Variants in CDC16 observed in about 807,000 individuals in gnomAD.
The protein encoded by CDC16 is cell division cycle protein 16 homolog.
Under a neutral mutation model 87.0 loss-of-function variants are expected in CDC16, and 34 were observed. The observed-to-expected ratio is 0.39, with a 90% CI of 0.30 to 0.52. CDC16 has a LOEUF of 0.52. CDC16 is among the 20% of genes least tolerant of loss of function. The pLI, the probability that CDC16 is intolerant of heterozygous loss-of-function variation, is 0.74. For missense variants in CDC16, 653 were observed against 751.9 expected (o/e 0.87, Z 1.54); for synonymous variants, 263 against 260.6 (o/e 1.01, Z -0.09).
chr13:114,248,769 T>C (rs1216112703), intron 11 of CDC16, among the ~76,000 whole-genome samples: 3 of 152,142 alleles, frequency 2.0e-5, no homozygotes, highest in Non-Finnish European at 4.4e-5. Context: ...AAGTACCCTG[T>C]ACTAGGAAGA....
chr13:114,249,585 T>C (rs1418378232), intron 11 of CDC16, among the ~76,000 whole-genome samples: 2 of 152,348 alleles, frequency 1.3e-5, no homozygotes, highest in African/African-American at 2.4e-5. Context: ...TTATTCCTTG[T>C]GGGTTAATTA....
chr13:114,250,516 A>T, intron 11 of CDC16, 33 bp from the exon 12 acceptor site: 2 of 1,582,426 alleles, frequency 1.3e-6, no homozygotes, highest in Non-Finnish European at 8.6e-7. Flanking sequence ...AAGAATAAAT[A>T]CTATATGACT....
In CDC16 at chr13:114,272,288, G is replaced by T; in HGVS notation, c.1708G>T (p.Val570Leu). ...SPPWDFREFE[V>L]EKQTAEETGL... is the part of the protein sequence containing the mutation. ...TCCGTGGGATTTCAGGGAATTTGAA[G>T]TAGAAAAACAGACTGCAGAAGAAAC... is the stretch of plus-strand genomic sequence containing the variant. The change falls in exon 18 of 18, where the codon GTA becomes TTA. Residue 570 changes from valine (V) to leucine (L), a missense_variant. Physicochemically the swap from Val to Leu is conservative, Grantham distance 32. Transcript: ENST00000356221. The T allele has an allele frequency of 6.2e-7, 1 of 1,614,192 alleles. No individual in the cohort carries two copies. The highest frequency in any genetic ancestry group is 2.2e-5 in the East Asian group (1 of 44,890).
At chr13:114,251,221 C>T (rs150106825) in intron 12 of CDC16, among the ~76,000 whole-genome samples, 3 of 152,224 alleles carry the variant, frequency 2.0e-5, no homozygotes, top group Non-Finnish European at 2.9e-5. Flanking sequence ...GCATCCCTGC[C>T]TGGAGAGGTA....
chr13:114,261,735 A>G (rs2082872786), intron 14 of CDC16, 152 bp from the exon 15 acceptor site: 2 of 523,180 alleles, frequency 3.8e-6, no homozygotes, highest in African/African-American at 4.0e-5. Context: ...AAAGGGAGAT[A>G]GATAAAACAG....
intron 5 of CDC16, among the ~76,000 whole-genome samples, chr13:114,239,827 A>G (rs1326744703): frequency 6.6e-6 from 1 of 152,180 alleles, no homozygotes; most frequent in Non-Finnish European, 1.5e-5. Context: ...AGAAACTTTG[A>G]TTAGCGTACA....
chr13:114,242,031 G>A, intron 5 of CDC16, 90 bp from the exon 6 acceptor site: 1 of 1,440,878 alleles, frequency 6.9e-7, no homozygotes. Context: ...CAGCCTGGGA[G>A]ACAGAGTGAG....
At position 114,272,556 on chromosome 13, in the gene CDC16, A is replaced by G. The variant is rs998666881; in HGVS notation, c.*113A>G. 2.0e-5 allele frequency: 17 copies of G among 855,158 alleles called. No homozygotes were observed. The highest frequency in any genetic ancestry group is 2.5e-5 in the Non-Finnish European group (14 of 560,092). 53.0% of individuals were successfully genotyped at this position (855,158 alleles called of 1,614,324 possible). A position where few individuals can be genotyped will look rare whatever the true frequency, so the allele number is the denominator to read the frequency against. On this transcript the variant is annotated 3_prime_UTR_variant, in exon 18 of 18. Coordinates refer to ENST00000356221, the MANE Select transcript of CDC16 (RefSeq NM_001078645.3). Reference sequence around the variant, plus strand: ...TAACGTGACTCCAAACTGCATCTCTACATTTAGGAACAGAGACCCGCCTTA... The same window carrying G: ...TAACGTGACTCCAAACTGCATCTCTGCATTTAGGAACAGAGACCCGCCTTA...
At chr13:114,249,408 T>C (rs2082042893) in intron 11 of CDC16, among the ~76,000 whole-genome samples, 1 of 152,086 alleles carries the variant, frequency 6.6e-6, no homozygotes, top group East Asian at 1.9e-4. Context: ...CACCTCCTGC[T>C]GTGCCGCCTG....
In CDC16 at chr13:114,240,776, A is replaced by G. The variant is rs17337884; in HGVS notation, c.381+1286A>G. 4.1e-3 allele frequency among the ~76,000 whole-genome samples: 630 copies of G among 151,844 alleles called. 5 individuals are homozygous for G. The highest frequency in any genetic ancestry group is 0.015 in the African/African-American group (601 of 41,402). ...TTTGTTTTTGTTTTTTTTTCTGGCCACTCATTAATGTATGTGTTGGGAAGC... is the reference window on the plus strand; with the variant it reads ...TTTGTTTTTGTTTTTTTTTCTGGCCGCTCATTAATGTATGTGTTGGGAAGC... On this transcript the variant is annotated intron_variant, in intron 5 of 17. Coordinates refer to ENST00000356221, the MANE Select transcript of CDC16 (RefSeq NM_001078645.3).
At chr13:114,271,450 T>C in intron 17 of CDC16, among the ~76,000 whole-genome samples, 1 of 152,084 alleles carries the variant, frequency 6.6e-6, no homozygotes, top group East Asian at 1.9e-4. Context: ...ATGCATAAGA[T>C]TGGTGACTAT....
chr13:114,264,922 T>A, intron 16 of CDC16: 1 of 437,106 alleles, frequency 2.3e-6, no homozygotes, highest in Non-Finnish European at 4.3e-6. Flanking sequence ...TAGAACTTTT[T>A]AAAAAATCTT....
intron 13 of CDC16, among the ~76,000 whole-genome samples, chr13:114,258,131 T>C (rs768210418): frequency 6.6e-6 from 1 of 152,210 alleles, no homozygotes; most frequent in Non-Finnish European, 1.5e-5. Context: ...GGCATGTATG[T>C]GTTCTAAAAA....
chr13:114,250,398 A>C, intron 11 of CDC16, 151 bp from the exon 12 acceptor site: 1 of 581,180 alleles, frequency 1.7e-6, no homozygotes. Flanking sequence ...AGGTTGAGGT[A>C]GGAGAATTGC....
chr13:114,239,978 T>G (rs1368882791), intron 5 of CDC16, among the ~76,000 whole-genome samples: 1 of 151,848 alleles, frequency 6.6e-6, no homozygotes, highest in Non-Finnish European at 1.5e-5. Context: ...TAGTAACTTA[T>G]TAAGTGACAT....
At chr13:114,254,812 A>G (rs1038420286) in intron 12 of CDC16, among the ~76,000 whole-genome samples, 2 of 152,204 alleles carry the variant, frequency 1.3e-5, no homozygotes, top group African/African-American at 4.8e-5. Flanking sequence ...TCAGGCCATG[A>G]TGGGAAGTGG....
intron 16 of CDC16, chr13:114,264,908 G>A (rs2083101208): frequency 1.6e-5 from 6 of 379,342 alleles, no homozygotes; most frequent in South Asian, 1.3e-4. Flanking sequence ...GCGCCCAGTC[G>A]AGATAGAACT....
intron 5 of CDC16, among the ~76,000 whole-genome samples, chr13:114,240,078 A>G (rs768503351): frequency 1.3e-5 from 2 of 152,148 alleles, no homozygotes; most frequent in South Asian, 4.1e-4. Context: ...TTTAAACTGT[A>G]TGGTTTGATT....
intron 17 of CDC16, among the ~76,000 whole-genome samples, chr13:114,266,432 G>A (rs753776739): frequency 6.6e-6 from 1 of 152,152 alleles, no homozygotes; most frequent in Non-Finnish European, 1.5e-5. Context: ...TTGTAAAGTT[G>A]GATAAACTGA....
Sources: gnomAD v4.1 joint callset for allele counts (sites outside exome capture counted in the v4.1 genomes callset) on GRCh38, gnomAD v4.1.1 for gene constraint, MANE v1.5 for transcripts, NCBI Gene and HGNC (gene_info 2026-07-23, HGNC 2026-07-21) for gene names.